The following CUX2 variants were observed in gnomAD, a reference collection of about 807,000 sequenced individuals.
CUX2 encodes the protein homeobox protein cut-like 2.
CUX2 carries 40 observed loss-of-function variants against 144.8 expected under a neutral mutation model. The ratio of observed to expected loss-of-function variants is 0.28; its 90% CI spans 0.21 to 0.36. The LOEUF is 0.36. CUX2 is among the 10% of genes least tolerant of loss of function. The pLI, the probability that CUX2 is intolerant of heterozygous loss-of-function variation, is 1.00. For synonymous variants in CUX2, 827 were observed against 875.6 expected (o/e 0.94, Z 0.98); for missense variants, 1,615 against 1,994.0 (o/e 0.81, Z 3.62).
intron 1 of CUX2, among the ~76,000 whole-genome samples, chr12:111,138,314 ATCCAGCACCC>A (rs1876056655): frequency 6.6e-6 from 1 of 151,660 alleles, no homozygotes; most frequent in South Asian, 2.1e-4. Flanking sequence ...CACTGTTCTC[ATCCAGCACCC>A]GGGCGCTGGG....
chr12:111,194,039 G>A (rs1395025071), intron 1 of CUX2, among the ~76,000 whole-genome samples: 11 of 152,288 alleles, frequency 7.2e-5, no homozygotes, highest in East Asian at 1.9e-4. Flanking sequence ...ACATTCCTGC[G>A]GGGTCTTTGG....
At chr12:111,100,130 A>C (rs1253650181) in intron 1 of CUX2, 1 of 447,908 alleles carries the variant, frequency 2.2e-6, no homozygotes, top group Non-Finnish European at 4.5e-6. Context: ...GAGTGCAAGG[A>C]CCCGCCGAGG....
At chr12:111,038,245 C>G (rs534497415) in intron 1 of CUX2, among the ~76,000 whole-genome samples, 16 of 152,342 alleles carry the variant, frequency 1.1e-4, no homozygotes, top group African/African-American at 3.8e-4. Flanking sequence ...TCCATTAGAG[C>G]CTCTGACAGC....
In CUX2 at chr12:111,243,187, G is replaced by A. The variant is rs1231298683; in HGVS notation, c.223-20574G>A. Among the ~76,000 whole-genome samples, 3 of 152,010 alleles carry A rather than the reference G, an allele frequency of 2.0e-5. No individual in the cohort carries two copies. In the East Asian group the frequency reaches 5.8e-4, roughly 29 times the overall value. Reference sequence around the variant, plus strand: ...AAAAGTAAAGAGAATAAAATAATTGGTCAGTCCCATGGACCCAGTTTCAAC... The same window carrying A: ...AAAAGTAAAGAGAATAAAATAATTGATCAGTCCCATGGACCCAGTTTCAAC... On this transcript the variant is annotated intron_variant, in intron 3 of 21. Transcript: ENST00000261726.
intron 2 of CUX2, among the ~76,000 whole-genome samples, chr12:111,214,730 C>T (rs1881436303): frequency 1.3e-5 from 2 of 152,168 alleles, no homozygotes; most frequent in Admixed American, 1.3e-4. Context: ...CTCTGAAACT[C>T]GGCCTCTCAC....
At chr12:111,076,809 G>A (rs1328019495) in intron 1 of CUX2, among the ~76,000 whole-genome samples, 1 of 152,150 alleles carries the variant, frequency 6.6e-6, no homozygotes, top group East Asian at 1.9e-4. Context: ...TTTCTTGCTT[G>A]CTTAGCAGAA....
At chr12:111,308,694 C>T (rs563282082) in intron 14 of CUX2, among the ~76,000 whole-genome samples, 168 bp downstream of exon 14, 17 of 152,294 alleles carry the variant, frequency 1.1e-4, no homozygotes, top group South Asian at 4.1e-4. Context: ...GCAGGGCATC[C>T]ACAAACACCC....
intron 1 of CUX2, among the ~76,000 whole-genome samples, chr12:111,111,234 G>A (rs193093845): frequency 1.2e-3 from 187 of 152,178 alleles, no homozygotes; most frequent in African/African-American, 3.9e-3. Context: ...CCCAGGAGGC[G>A]GAGGTTGCAG....
chr12:111,096,595 C>T (rs1438186223), intron 1 of CUX2, among the ~76,000 whole-genome samples: 3 of 152,168 alleles, frequency 2.0e-5, no homozygotes, highest in Non-Finnish European at 4.4e-5. Context: ...TCCCCGCTTC[C>T]CAGCTCAGTG....
intron 1 of CUX2, among the ~76,000 whole-genome samples, chr12:111,199,422 G>T (rs760116133): frequency 2.0e-5 from 3 of 152,110 alleles, no homozygotes; most frequent in Non-Finnish European, 4.4e-5. Context: ...TCCCCATTGC[G>T]CAGATTAGGA....
chr12:111,294,905 A>G (rs1468299527), intron 6 of CUX2, among the ~76,000 whole-genome samples: 1 of 151,428 alleles, frequency 6.6e-6, no homozygotes, highest in Non-Finnish European at 1.5e-5. Flanking sequence ...CTCAAAAAAG[A>G]AAAAAAAAGA....
At chr12:111,097,771 G>A (rs536710175) in intron 1 of CUX2, among the ~76,000 whole-genome samples, 3 of 152,276 alleles carry the variant, frequency 2.0e-5, no homozygotes, top group African/African-American at 4.8e-5. Flanking sequence ...GCAGGGGATC[G>A]GGGTGGCTGT....
At chr12:111,154,574 C>T (rs1034289563) in intron 1 of CUX2, among the ~76,000 whole-genome samples, 2 of 152,282 alleles carry the variant, frequency 1.3e-5, no homozygotes, top group Non-Finnish European at 2.9e-5. Context: ...GAAGGCAAGT[C>T]GGCACGTCAT....
At chr12:111,308,563 G>A in intron 14 of CUX2, 37 bp downstream of exon 14, 1 of 1,556,114 alleles carries the variant, frequency 6.4e-7, no homozygotes, top group Non-Finnish European at 8.7e-7. Flanking sequence ...GAGGGCTGGG[G>A]CGGGGGCTGC....
Position 111,155,092 on chromosome 12 carries a change from C to T in CUX2, c.64-59108C>T, listed in dbSNP as rs368554605. ...TTAACACGCGATAATACAGGTAAGA[C>T]ATAATTGTCAGTGGGCCTGACTTCA... On this transcript the variant is annotated intron_variant, in intron 1 of 21. Coordinates refer to ENST00000261726, the MANE Select transcript of CUX2 (RefSeq NM_015267.4). Among the ~76,000 whole-genome samples the T allele has an allele frequency of 2.0e-5, 3 of 152,288 alleles. No homozygotes were observed. The East Asian group carries it at 5.8e-4, about 29-fold the overall frequency.
intron 5 of CUX2, among the ~76,000 whole-genome samples, chr12:111,291,938 G>A (rs1398407089): frequency 6.6e-6 from 1 of 152,166 alleles, no homozygotes; most frequent in Non-Finnish European, 1.5e-5. Flanking sequence ...GCCCTGGGAT[G>A]AGCCCTTGCC....
intron 4 of CUX2, among the ~76,000 whole-genome samples, chr12:111,264,608 G>T (rs751881576): frequency 1.3e-5 from 2 of 152,150 alleles, no homozygotes; most frequent in South Asian, 2.1e-4. Flanking sequence ...AGCCAGGTGT[G>T]GTGGTGGGCA....
chr12:111,230,584 A>G (rs1243711053), intron 3 of CUX2, among the ~76,000 whole-genome samples: 2 of 152,180 alleles, frequency 1.3e-5, no homozygotes, highest in South Asian at 2.1e-4. Context: ...CAAGCTTTAA[A>G]AAATACTAAG....
chr12:111,162,698 A>G (rs1418264721), intron 1 of CUX2, among the ~76,000 whole-genome samples: 1 of 152,200 alleles, frequency 6.6e-6, no homozygotes, highest in Non-Finnish European at 1.5e-5. Flanking sequence ...ACACCTACCT[A>G]CTGAAGCTTC....
Sources: allele counts gnomAD v4.1 joint callset (sites outside exome capture counted in the v4.1 genomes callset), GRCh38; gene constraint gnomAD v4.1.1; transcripts MANE v1.5; gene names NCBI Gene and HGNC (gene_info 2026-07-23, HGNC 2026-07-21).